MTDH: variants seen among roughly 807,000 people sequenced by gnomAD.
MTDH encodes protein LYRIC.
Under a neutral mutation model 72.7 loss-of-function variants are expected in MTDH, and 34 were observed. That is an observed-to-expected ratio of 0.47 (90% confidence interval 0.36 to 0.62). MTDH has a LOEUF of 0.62. MTDH is among the 20% of genes least tolerant of loss of function. The pLI is 0.00. For missense variants in MTDH, 677 were observed against 699.4 expected (o/e 0.97, Z 0.36); for synonymous variants, 266 against 268.9 (o/e 0.99, Z 0.10).
At chr8:97,695,692 A>G (rs1813808952) in intron 6 of MTDH, among the ~76,000 whole-genome samples, 1 of 152,216 alleles carries the variant, frequency 6.6e-6, no homozygotes, top group Admixed American at 6.5e-5. Flanking sequence ...AGGAGTGAAC[A>G]GGGACTGGTT....
rs151289218 is a variant in MTDH at position 97,672,598 on chromosome 8, A to G, written c.483+11425A>G. 5.4e-3 allele frequency among the ~76,000 whole-genome samples: 819 copies of G among 152,318 alleles called. 5 individuals are homozygous for G. Among genetic ancestry groups the G allele is most frequent in the African/African-American group, 0.017 (725 of 41,572 alleles). On this transcript the variant is annotated intron_variant, in intron 2 of 11. Transcript: ENST00000336273. ...CTGAACTGCAAATGGCCAAATGGAG[A>G]CCAGAACCAGGATTTCTGCCCCAGT...
Position 97,713,662 on chromosome 8 carries a change from G to A in MTDH, c.1273G>A (p.Val425Ile), listed in dbSNP as rs1004853490. Residue 425 changes from valine to isoleucine, a missense_variant and splice_region_variant, in exon 9 of 12, where the codon GTC becomes ATC. Physicochemically the swap from Val to Ile is conservative, Grantham distance 29 (BLOSUM62 3). This residue lies in a region of MTDH where 201 missense variants were observed against 204.5 expected (regional missense o/e 0.98). Transcript: ENST00000336273. ...SQEPIPDDQKVSDDDKEKGEG... is the reference protein window; with the variant it reads ...SQEPIPDDQKISDDDKEKGEG... ...TTAATATTTTTGCTTTTAACCTAAG[G>A]TCTCAGATGATGATAAAGAAAAGGG... is the stretch of plus-strand genomic sequence containing the variant. 3 of 1,579,612 alleles carry A rather than the reference G, an allele frequency of 1.9e-6. No homozygotes were observed. Among genetic ancestry groups the A allele is most frequent in the Non-Finnish European group, 2.6e-6 (3 of 1,163,794 alleles).
At chr8:97,672,172 G>C (rs939162530) in intron 2 of MTDH, among the ~76,000 whole-genome samples, 1 of 152,124 alleles carries the variant, frequency 6.6e-6, no homozygotes, top group Non-Finnish European at 1.5e-5. Flanking sequence ...AAGTTTTATG[G>C]AAACACAGCC....
chr8:97,681,080 C>T (rs1302576773), intron 2 of MTDH, among the ~76,000 whole-genome samples: 8 of 151,246 alleles, frequency 5.3e-5, no homozygotes, highest in African/African-American at 1.9e-4. Context: ...AAAAGGGGGA[C>T]AGTGGTAGAG....
chr8:97,666,352 A>C (rs1234253705), intron 2 of MTDH, among the ~76,000 whole-genome samples: 1 of 152,198 alleles, frequency 6.6e-6, no homozygotes, highest in Non-Finnish European at 1.5e-5. Flanking sequence ...ACATTTTCAT[A>C]TCTCTTAATC....
At chr8:97,692,449 A>G (rs1813648579) in intron 6 of MTDH, among the ~76,000 whole-genome samples, 1 of 150,208 alleles carries the variant, frequency 6.7e-6, no homozygotes, top group South Asian at 2.1e-4. Context: ...CTCGGCTCAC[A>G]ACACCCTCTG....
Position 97,644,554 on chromosome 8 carries a change from G to A in MTDH, c.48G>A (p.Glu16=). ...ACGAGCTGGCCCAGCAGGCCGAGGA[G>A]GGCTCGGCCCGGCTGCGGGAAATGC... ...WQDELAQQAE[E]GSARLREMLS... is the part of the protein sequence containing the mutation. The change falls in exon 1 of 12, where the codon GAG becomes GAA. Residue 16 remains glutamate (E), a synonymous_variant. Coordinates refer to ENST00000336273, the MANE Select transcript of MTDH (RefSeq NM_178812.4). The A allele has an allele frequency of 6.2e-7, 1 of 1,602,386 alleles. No homozygotes were observed. Among genetic ancestry groups the A allele is most frequent in the Non-Finnish European group, 8.5e-7 (1 of 1,177,784 alleles).
At chr8:97,653,841 C>G (rs973997104) in intron 1 of MTDH, among the ~76,000 whole-genome samples, 1 of 152,148 alleles carries the variant, frequency 6.6e-6, no homozygotes, top group Non-Finnish European at 1.5e-5. Context: ...GCCAGGCTTC[C>G]CAGAAGGCAT....
intron 6 of MTDH, among the ~76,000 whole-genome samples, chr8:97,697,150 A>ATTTTTTTTTTTTTTTTTTTTTTTT (rs59102217): frequency 1.5e-5 from 1 of 68,796 alleles, no homozygotes; most frequent in African/African-American, 9.1e-5. Context: ...ATATATATAT[A>ATTTTTTTTTTTTTTTTTTTTTTTT]TTTTTTTTTT....
At chr8:97,707,232 A>T (rs1014547616) in intron 8 of MTDH, among the ~76,000 whole-genome samples, 2 of 150,464 alleles carry the variant, frequency 1.3e-5, no homozygotes, top group African/African-American at 4.9e-5. Flanking sequence ...GCTCACTGCA[A>T]CCTCTACCTC....
At chr8:97,684,534 C>G (rs959950986) in intron 2 of MTDH, among the ~76,000 whole-genome samples, 1 of 152,164 alleles carries the variant, frequency 6.6e-6, no homozygotes, top group Non-Finnish European at 1.5e-5. Context: ...GCTATATGAG[C>G]AGAGTTCTGT....
intron 6 of MTDH, among the ~76,000 whole-genome samples, chr8:97,698,752 C>T (rs1813977811): frequency 6.6e-6 from 1 of 152,178 alleles, no homozygotes; most frequent in East Asian, 1.9e-4. Flanking sequence ...GGATACATAG[C>T]CCTGAAACAT....
chr8:97,682,879 G>GGTTTAGAAT (rs1183384839), intron 2 of MTDH, among the ~76,000 whole-genome samples: 1 of 151,632 alleles, frequency 6.6e-6, no homozygotes, highest in Admixed American at 6.6e-5. Flanking sequence ...TGGGGAACAG[G>GGTTTAGAAT]GTTTAGAATG....
chr8:97,685,761 GAA>G (rs1178320724), intron 2 of MTDH, among the ~76,000 whole-genome samples: 2 of 122,914 alleles, frequency 1.6e-5, no homozygotes, highest in Admixed American at 8.2e-5. Context: ...CTCCATCTCA[GAA>G]AAAAAAAAAA....
chr8:97,698,812 C>T (rs7828677), intron 6 of MTDH, among the ~76,000 whole-genome samples: 7,074 of 152,238 alleles, frequency 0.046, 544 homozygotes, highest in African/African-American at 0.16. Context: ...TTTTATTTTC[C>T]ATTAAGAAGA....
chr8:97,676,849 A>G (rs113283312), intron 2 of MTDH, among the ~76,000 whole-genome samples: 5,649 of 151,470 alleles, frequency 0.037, 367 homozygotes, highest in African/African-American at 0.13. Context: ...TAAAAAATAC[A>G]AAAAAATTAG....
intron 7 of MTDH, among the ~76,000 whole-genome samples, chr8:97,705,307 G>A (rs909011536): frequency 3.4e-5 from 5 of 148,180 alleles, no homozygotes; most frequent in Non-Finnish European, 7.5e-5. Context: ...AAAAAAAAAA[G>A]AGAATTGAGC....
intron 2 of MTDH, among the ~76,000 whole-genome samples, chr8:97,667,098 C>G (rs537843064): frequency 6.6e-6 from 1 of 150,486 alleles, no homozygotes; most frequent in African/African-American, 2.5e-5. Context: ...TCAAGCAATC[C>G]TTCTACCTCA....
At chr8:97,669,277 G>T (rs1418844986) in intron 2 of MTDH, among the ~76,000 whole-genome samples, 1 of 151,762 alleles carries the variant, frequency 6.6e-6, no homozygotes, top group South Asian at 2.1e-4. Flanking sequence ...AGCCTCCCTA[G>T]TAGCTGGGAT....
Sources: allele counts gnomAD v4.1 joint callset (sites outside exome capture counted in the v4.1 genomes callset), GRCh38; gene constraint gnomAD v4.1.1; regional missense constraint gnomAD v4.1.1; transcripts MANE v1.5; gene names NCBI Gene and HGNC (gene_info 2026-07-23, HGNC 2026-07-21).